LRCH1: variants seen among roughly 807,000 people sequenced by gnomAD.
LRCH1 encodes leucine-rich repeat and calponin homology domain-containing protein 1.
Under a neutral mutation model 94.9 loss-of-function variants are expected in LRCH1, and 23 were observed. The ratio of observed to expected loss-of-function variants is 0.24; its 90% CI spans 0.17 to 0.34. The LOEUF (loss-of-function observed/expected upper bound fraction) is 0.34. LRCH1 is among the 10% of genes least tolerant of loss of function. The probability of loss-of-function intolerance (pLI) is 1.00; values close to 1 mark genes in which losing one functional copy is unlikely to be tolerated. For missense variants in LRCH1, 790 were observed against 945.9 expected (o/e 0.84, Z 2.16); for synonymous variants, 364 against 354.9 (o/e 1.03, Z -0.29).
chr13:46,703,218 G>A (rs1199655495), intron 11 of LRCH1, among the ~76,000 whole-genome samples: 5 of 152,268 alleles, frequency 3.3e-5, no homozygotes, highest in East Asian at 1.9e-4. Flanking sequence ...ATGTGCACCC[G>A]TGTACATGTA....
intron 1 of LRCH1, among the ~76,000 whole-genome samples, chr13:46,555,952 C>T (rs2050059913): frequency 6.6e-6 from 1 of 152,280 alleles, no homozygotes; most frequent in African/African-American, 2.4e-5. Context: ...AAAGTTACCT[C>T]CGGTGTACAC....
chr13:46,669,036 T>C lies in LRCH1; in HGVS notation c.459T>C (p.Asn153=), dbSNP rs749390133. 5.0e-6 allele frequency: 8 copies of C among 1,613,772 alleles called. No homozygotes were observed. The South Asian group carries it at 8.8e-5, about 18-fold the overall frequency. ...QMLTYLNLSR[N]QLSALPACLC... ...TGTTGTATTGTCTTTGCAGTCGAAA[T>C]CAGCTGTCCGCCCTGCCTGCCTGCC... is the stretch of plus-strand genomic sequence containing the variant. Residue 153 remains asparagine, a synonymous_variant, in exon 3 of 20, where the codon AAT becomes AAC. Transcript: ENST00000389797.
intron 8 of LRCH1, among the ~76,000 whole-genome samples, chr13:46,693,168 A>G (rs991033084): frequency 6.6e-6 from 1 of 152,052 alleles, no homozygotes; most frequent in African/African-American, 2.4e-5. Context: ...GAAAGAAAAT[A>G]TTGATATGAT....
intron 16 of LRCH1, among the ~76,000 whole-genome samples, chr13:46,720,038 T>C (rs530609548): frequency 4.6e-5 from 7 of 152,196 alleles, no homozygotes; most frequent in Non-Finnish European, 8.8e-5. Flanking sequence ...CAACATACAG[T>C]AATTAAACTA....
intron 1 of LRCH1, among the ~76,000 whole-genome samples, chr13:46,609,352 A>G (rs1174235987): frequency 6.6e-6 from 1 of 152,050 alleles, no homozygotes; most frequent in East Asian, 1.9e-4. Flanking sequence ...CAATATGTGG[A>G]TATCAGTTTT....
chr13:46,642,157 T>C (rs2051165513), intron 1 of LRCH1, among the ~76,000 whole-genome samples: 1 of 152,244 alleles, frequency 6.6e-6, no homozygotes, highest in Non-Finnish European at 1.5e-5. Context: ...GAGAAAATTT[T>C]AGGAACCTGG....
At chr13:46,636,710 G>A (rs186229862) in intron 1 of LRCH1, among the ~76,000 whole-genome samples, 1 of 152,248 alleles carries the variant, frequency 6.6e-6, no homozygotes, top group Admixed American at 6.5e-5. Context: ...GATTTGGCCC[G>A]GCAGCAGCTA....
rs1350386902 is a variant in LRCH1, at chr13:46,742,736, G to A, written c.*888G>A. On this transcript the variant is annotated 3_prime_UTR_variant, in exon 20 of 20. Coordinates refer to ENST00000389797, the MANE Select transcript of LRCH1 (RefSeq NM_001164211.2). ...GTAACTGCCGGTCCAGAATGTGACG[G>A]ATTCGACTCTATTCATTTTCAAATA... is the stretch of plus-strand genomic sequence containing the variant. 9 of 985,432 alleles carry A rather than the reference G, an allele frequency of 9.1e-6. No homozygotes were observed. The highest frequency in any genetic ancestry group is 1.1e-5 in the Non-Finnish European group (9 of 829,934). The allele number at this position is 985,432 out of a possible 1,614,324, so 61.0% of individuals were successfully genotyped here.
chr13:46,619,777 G>A (rs1168275597), intron 1 of LRCH1, among the ~76,000 whole-genome samples: 1 of 152,190 alleles, frequency 6.6e-6, no homozygotes, highest in East Asian at 1.9e-4. Flanking sequence ...GGAAGATGGA[G>A]TAAATTGCAA....
chr13:46,675,406 T>G lies in LRCH1; in HGVS notation c.579+6250T>G, dbSNP rs1353130180. Among the ~76,000 whole-genome samples the G allele has an allele frequency of 3.9e-5, 6 of 152,282 alleles. 1 individual carries two copies. Among genetic ancestry groups the G allele is most frequent in the Admixed American group, 3.9e-4 (6 of 15,312 alleles). On this transcript the variant is annotated intron_variant, in intron 3 of 19. Coordinates refer to ENST00000389797, the MANE Select transcript of LRCH1 (RefSeq NM_001164211.2). Reference sequence around the variant, plus strand: ...TCATGCAGTGTGTGAAAATCATGTCTTCTAGCTCTTACCTTCACATAAGAG... The same window carrying G: ...TCATGCAGTGTGTGAAAATCATGTCGTCTAGCTCTTACCTTCACATAAGAG...
rs576213359 is a variant in LRCH1 at position 46,703,755 on chromosome 13, A to G, written c.1401-1313A>G. Among the ~76,000 whole-genome samples the G allele has an allele frequency of 3.4e-4, 52 of 152,308 alleles. No individual in the cohort carries two copies. In the Middle Eastern group the frequency reaches 0.01, roughly 30 times the overall value. ...TGCTTTTATACTTTTAAAAAAGTAT[A>G]TAACTTTTTTAAAGTATGTAAAAAC... On this transcript the variant is annotated intron_variant, in intron 11 of 19. Transcript: ENST00000389797.
chr13:46,664,425 C>A (rs575499492), intron 2 of LRCH1, among the ~76,000 whole-genome samples: 2 of 152,240 alleles, frequency 1.3e-5, no homozygotes, highest in South Asian at 2.1e-4. Context: ...TGTTTAGATA[C>A]AAAAATACTT....
chr13:46,663,744 A>G (rs1253056906), intron 2 of LRCH1, among the ~76,000 whole-genome samples: 3 of 152,162 alleles, frequency 2.0e-5, no homozygotes, highest in Non-Finnish European at 4.4e-5. Flanking sequence ...CAAATCAACA[A>G]TGACTGGATC....
intron 1 of LRCH1, among the ~76,000 whole-genome samples, chr13:46,563,902 G>A (rs534440515): frequency 5.9e-5 from 9 of 152,192 alleles, no homozygotes; most frequent in African/African-American, 1.4e-4. Context: ...TCAAAGGGTC[G>A]TTTCTGTGGA....
chr13:46,600,073 A>G (rs1319362811), intron 1 of LRCH1, among the ~76,000 whole-genome samples: 1 of 152,234 alleles, frequency 6.6e-6, no homozygotes, highest in Admixed American at 6.5e-5. Context: ...TTCAGTAGAG[A>G]CAGGGTTTCA....
intron 16 of LRCH1, 148 bp downstream of exon 16, chr13:46,715,812 A>G (rs1872292031): frequency 1.7e-6 from 1 of 590,520 alleles, no homozygotes; most frequent in East Asian, 2.8e-5. Context: ...AGTGAAGTCC[A>G]GAAAAGTGCA....
chr13:46,596,464 T>C (rs1341263844), intron 1 of LRCH1, among the ~76,000 whole-genome samples: 1 of 152,228 alleles, frequency 6.6e-6, no homozygotes, highest in African/African-American at 2.4e-5. Context: ...ATTTTTATGA[T>C]TTAAGACACT....
chr13:46,659,509 A>G (rs1032991070), intron 2 of LRCH1, among the ~76,000 whole-genome samples: 1 of 152,176 alleles, frequency 6.6e-6, no homozygotes, highest in Non-Finnish European at 1.5e-5. Context: ...CTTCAGATTT[A>G]TATCACCACA....
rs1469165675 is a variant in LRCH1 at position 46,742,734 on chromosome 13, C to A, written c.*886C>A. On this transcript the variant is annotated 3_prime_UTR_variant, in exon 20 of 20. Coordinates refer to ENST00000389797, the MANE Select transcript of LRCH1 (RefSeq NM_001164211.2). ...TAGTAACTGCCGGTCCAGAATGTGA[C>A]GGATTCGACTCTATTCATTTTCAAA... 9.1e-6 allele frequency: 9 copies of A among 985,390 alleles called. No homozygotes were observed. Among genetic ancestry groups the A allele is most frequent in the Non-Finnish European group, 1.1e-5 (9 of 829,930 alleles). The allele number at this position is 985,390 out of a possible 1,614,324, so 61.0% of individuals were successfully genotyped here. A position where few individuals can be genotyped will look rare whatever the true frequency, so the allele number is the denominator to read the frequency against.
Sources: gnomAD v4.1 joint callset for allele counts (sites outside exome capture counted in the v4.1 genomes callset) on GRCh38, gnomAD v4.1.1 for gene constraint, MANE v1.5 for transcripts, NCBI Gene and HGNC (gene_info 2026-07-23, HGNC 2026-07-21) for gene names.